Variants in CLEC19A observed in about 807,000 individuals in gnomAD.
CLEC19A encodes C-type lectin domain containing 19A.
In CLEC19A, 21 loss-of-function variants were observed where a neutral mutation model predicts 26.1. The ratio of observed to expected loss-of-function variants is 0.80; its 90% confidence interval spans 0.57 to 1.16. CLEC19A has a LOEUF of 1.16. Ranked by LOEUF, CLEC19A falls within the 50% of genes most tolerant of loss-of-function variation. The probability of loss-of-function intolerance (pLI) is 0.00; values close to 1 mark genes in which losing one functional copy is unlikely to be tolerated. For synonymous variants in CLEC19A, 89 were observed against 88.6 expected (o/e 1.00, Z -0.03); for missense variants, 224 against 227.6 (o/e 0.98, Z 0.10).
Position 19,298,816 on chromosome 16 carries a change from G to T in CLEC19A, c.232G>T (p.Ala78Ser), listed in dbSNP as rs983259364. The T allele has an allele frequency of 1.9e-6, 3 of 1,550,234 alleles. No individual in the cohort carries two copies. Among genetic ancestry groups the T allele is most frequent in the Admixed American group, 2.0e-5 (1 of 50,976 alleles). The change falls in exon 2 of 5, where the codon GCC becomes TCC. Residue 78 changes from alanine (A) to serine (S), a missense_variant. Physicochemically the swap from Ala to Ser is moderately conservative, Grantham distance 99 (BLOSUM62 1). Coordinates refer to ENST00000636231, the MANE Select transcript of CLEC19A (RefSeq NM_001256720.2). ...TGAGTTCTCTGTGGGCAGGAAGTCC[G>T]CCAAGCTGGCCTCCATCCACAGGTA... The part of the protein sequence containing the change: ...CSEFSVGRKS[A>S]KLASIHSWEE...
chr16:19,290,223 T>G (rs1897554267), intron 1 of CLEC19A, among the ~76,000 whole-genome samples: 1 of 152,148 alleles, frequency 6.6e-6, no homozygotes, highest in African/African-American at 2.4e-5. Flanking sequence ...CCACCCCAGC[T>G]GGGAGACCTT....
chr16:19,304,561 C>A (rs1010481250), intron 3 of CLEC19A, among the ~76,000 whole-genome samples: 11 of 151,888 alleles, frequency 7.2e-5, no homozygotes, highest in African/African-American at 2.2e-4. Flanking sequence ...ATTAGCTGGG[C>A]GCTGTTGTGG....
chr16:19,299,469 C>T (rs1231603697), intron 2 of CLEC19A, among the ~76,000 whole-genome samples: 1 of 152,268 alleles, frequency 6.6e-6, no homozygotes, highest in East Asian at 1.9e-4. Context: ...GATTCCATAG[C>T]CCACCCTCCA....
intron 3 of CLEC19A, among the ~76,000 whole-genome samples, chr16:19,306,721 C>G (rs1030055673): frequency 6.6e-6 from 1 of 151,836 alleles, no homozygotes; most frequent in Non-Finnish European, 1.5e-5. Context: ...CAACAACTCT[C>G]TAAAGGACAC....
rs1897755250 is a variant in CLEC19A at position 19,298,689 on chromosome 16, C to T, written c.105C>T (p.Pro35=). The stretch of plus-strand genomic sequence containing the variant: ...TGCCCCCAGCCCTGCCAGAGCTGCC[C>T]CTGCCTTCCCTGTGCCCCCTGTTCT... ...ISISPALPEL[P]LPSLCPLFWM... The change falls in exon 2 of 5, where the codon CCC becomes CCT. Residue 35 remains proline, a synonymous_variant. Transcript: ENST00000636231. 1.9e-6 allele frequency: 3 copies of T among 1,551,168 alleles called. No individual in the cohort carries two copies. The highest frequency in any genetic ancestry group is 1.7e-6 in the Non-Finnish European group (2 of 1,147,102).
chr16:19,297,976 G>A (rs1041149250), intron 1 of CLEC19A, among the ~76,000 whole-genome samples: 4 of 152,098 alleles, frequency 2.6e-5, no homozygotes, highest in Non-Finnish European at 4.4e-5. Context: ...GGCCGGGTGC[G>A]GTGGCTCACG....
chr16:19,307,489 A>G, intron 3 of CLEC19A, 56 bp from the exon 4 acceptor site: 1 of 1,540,950 alleles, frequency 6.5e-7, no homozygotes, highest in African/African-American at 1.4e-5. Context: ...CCTGGCTCAA[A>G]TGCCTGATCT....
intron 1 of CLEC19A, among the ~76,000 whole-genome samples, chr16:19,287,374 C>T (rs895083864): frequency 6.6e-6 from 1 of 151,978 alleles, no homozygotes; most frequent in Non-Finnish European, 1.5e-5. Flanking sequence ...GGATGGGATC[C>T]CATCTAAATC....
rs1334601954 is a variant in CLEC19A, at chr16:19,309,976, T to A, written c.*893T>A. ...CATCTTAAATATTCCCGTCAACACA[T>A]GGGCTCAAAGATGAGGCTGGTTCTT... On this transcript the variant is annotated 3_prime_UTR_variant, in exon 5 of 5. Transcript: ENST00000636231. The A allele has an allele frequency of 6.6e-6, 1 of 151,788 alleles. No homozygotes were observed. The highest frequency in any genetic ancestry group is 2.4e-5 in the African/African-American group (1 of 41,316). The allele number at this position is 151,788 out of a possible 1,614,324, so 9.4% of individuals were successfully genotyped here.
At chr16:19,296,417 AC>A (rs1897706225) in intron 1 of CLEC19A, among the ~76,000 whole-genome samples, 1 of 152,098 alleles carries the variant, frequency 6.6e-6, no homozygotes, top group African/African-American at 2.4e-5. Context: ...TGGTTATAAA[AC>A]CCTGAGCTAA....
chr16:19,293,325 C>T (rs933176551), intron 1 of CLEC19A, among the ~76,000 whole-genome samples: 4 of 152,124 alleles, frequency 2.6e-5, no homozygotes, highest in Non-Finnish European at 4.4e-5. Flanking sequence ...CACTGAGTAA[C>T]GTCTGGAGTT....
intron 1 of CLEC19A, among the ~76,000 whole-genome samples, chr16:19,298,123 T>A (rs969340405): frequency 1.3e-5 from 2 of 151,548 alleles, no homozygotes; most frequent in Non-Finnish European, 2.9e-5. Flanking sequence ...GTGCCTGTTA[T>A]CCCAGCTACT....
At chr16:19,296,759 C>T (rs372435423) in intron 1 of CLEC19A, among the ~76,000 whole-genome samples, 66 of 152,302 alleles carry the variant, frequency 4.3e-4, no homozygotes, top group African/African-American at 1.5e-3. Flanking sequence ...CTGTTCACTA[C>T]TTTATTACTT....
At chr16:19,301,736 G>GTTTTTTTTTTTTTTTTTTT (rs1171248968) in intron 2 of CLEC19A, among the ~76,000 whole-genome samples, 26 of 81,490 alleles carry the variant, frequency 3.2e-4, no homozygotes, top group African/African-American at 4.8e-4. Context: ...GGTTTTTTTG[G>GTTTTTTTTTTTTTTTTTTT]TTTTTTTTTT....
intron 4 of CLEC19A, among the ~76,000 whole-genome samples, chr16:19,308,672 G>A (rs747255374): frequency 1.3e-5 from 2 of 152,186 alleles, no homozygotes; most frequent in Middle Eastern, 3.2e-3. Context: ...ACACTTAATT[G>A]TTATTCCCTC....
intron 3 of CLEC19A, among the ~76,000 whole-genome samples, chr16:19,306,354 C>G (rs1291233488): frequency 1.3e-5 from 2 of 151,508 alleles, no homozygotes; most frequent in African/African-American, 2.4e-5. Context: ...ACTATGTTGC[C>G]CAGGATTGTC....
intron 1 of CLEC19A, among the ~76,000 whole-genome samples, chr16:19,290,430 A>C (rs179202): frequency 0.62 from 94,259 of 151,406 alleles, 30,186 homozygotes; most frequent in East Asian, 0.92. Flanking sequence ...AATTCTCCAA[A>C]GCTCCATTCT....
At position 19,309,379 on chromosome 16, in the gene CLEC19A, G is replaced by C. The variant is rs78529313; in HGVS notation, c.*296G>C. 2 of 291,028 alleles carry C rather than the reference G, an allele frequency of 6.9e-6. No individual in the cohort carries two copies. Among genetic ancestry groups the C allele is most frequent in the South Asian group, 4.0e-5 (1 of 24,916 alleles). The allele number at this position is 291,028 out of a possible 1,614,324, so 18.0% of individuals were successfully genotyped here. The stretch of plus-strand genomic sequence containing the variant: ...ATCTCACTGGCCTGGCTCGGGTCAC[G>C]TGCCCATCCCTGAAGCAATCACTTT... On this transcript the variant is annotated 3_prime_UTR_variant, in exon 5 of 5. Coordinates refer to ENST00000636231, the MANE Select transcript of CLEC19A (RefSeq NM_001256720.2).
At chr16:19,304,347 T>C (rs372364531) in intron 3 of CLEC19A, 192 bp downstream of exon 3, 1 of 517,284 alleles carries the variant, frequency 1.9e-6, no homozygotes. Flanking sequence ...TACTAAATGA[T>C]GGGAACAGAT....
Sources: allele counts gnomAD v4.1 joint callset (sites outside exome capture counted in the v4.1 genomes callset), GRCh38; gene constraint gnomAD v4.1.1; transcripts MANE v1.5; gene names NCBI Gene and HGNC (gene_info 2026-07-23, HGNC 2026-07-21).